Variants in DMC1 observed in about 807,000 individuals in gnomAD.
DMC1 encodes meiotic recombination protein DMC1 homolog.
Under a neutral mutation model 50.1 loss-of-function variants are expected in DMC1, and 27 were observed. The ratio of observed to expected loss-of-function variants is 0.54; its 90% CI spans 0.40 to 0.74. The LOEUF (loss-of-function observed/expected upper bound fraction) is 0.74. Among genes scored for constraint, DMC1 ranks in the 30% least tolerant of loss-of-function variants. DMC1 has a pLI of 0.00. For synonymous variants in DMC1, 148 were observed against 136.1 expected, an observed-to-expected ratio of 1.09 and a Z score of -0.61; for missense variants, 295 against 420.2, an observed-to-expected ratio of 0.70 and a Z score of 2.60.
the DMC1 span, among the ~76,000 whole-genome samples, chr22:38,512,968 C>T: frequency 9.2e-5 from 14 of 152,074 alleles, no homozygotes; most frequent in African/African-American, 2.7e-4. Context: ...CCTGTAATCC[C>T]AGCTACTCGG....
At chr22:38,518,883 G>A (rs2089994915), downstream of DMC1, 1 of 152,148 alleles carries the variant, frequency 6.6e-6, no homozygotes, top group African/African-American at 2.4e-5. Flanking sequence ...AAAGATTGAA[G>A]TCTATAAAGC....
At chr22:38,562,521 T>A in intron 4 of DMC1, 152 bp from the exon 5 acceptor site, 2 of 637,382 alleles carry the variant, frequency 3.1e-6, no homozygotes, top group South Asian at 3.8e-5. Context: ...AAGATTATGG[T>A]TAGGAACACA....
intron 1 of DMC1, 183 bp from the exon 2 acceptor site, chr22:38,568,472 T>C (rs2090604454): frequency 1.8e-6 from 1 of 551,978 alleles, no homozygotes; most frequent in Admixed American, 3.0e-5. Flanking sequence ...TGTGTGTGTG[T>C]GCATGTGTGT....
rs1406771258 is a variant in DMC1, at chr22:38,527,617, CAAGCA to C, written c.837-5898_837-5894del. Among the ~76,000 whole-genome samples the C allele has an allele frequency of 2.0e-5, 3 of 148,604 alleles. No individual in the cohort carries two copies. In the Admixed American group the frequency reaches 2.1e-4, roughly 10 times the overall value. ...CACTGCAACCTCTGCTTCCTGGGTT[CAAGCA>C]ATTCTCCCTGCCTCAGCCTCCCAAG... On this transcript the variant is annotated intron_variant, in intron 12 of 13. Transcript: ENST00000216024.
chr22:38,520,423 T>G (rs1389669280), intron 13 of DMC1, among the ~76,000 whole-genome samples: 1 of 151,984 alleles, frequency 6.6e-6, no homozygotes, highest in East Asian at 1.9e-4. Flanking sequence ...AATGGTGAGA[T>G]CTCGTCTCAC....
rs2090004872 is a variant in DMC1, at chr22:38,519,889, A to G, written c.*131T>C. On this transcript the variant is annotated 3_prime_UTR_variant, in exon 14 of 14. Coordinates refer to ENST00000216024, the MANE Select transcript of DMC1 (RefSeq NM_007068.4). ...CTTTTAAGATAAATATAAGATTTAA[A>G]TCTCTTTGCTGACTTTTCTTTAGTA... is the stretch of plus-strand genomic sequence containing the variant. 9 of 709,210 alleles carry G rather than the reference A, an allele frequency of 1.3e-5. 1 individual carries two copies. The South Asian group carries it at 1.3e-4, about 11-fold the overall frequency. 43.9% of individuals were successfully genotyped at this position (709,210 alleles called of 1,614,324 possible).
the DMC1 span, among the ~76,000 whole-genome samples, chr22:38,510,026 A>G: frequency 4.3e-4 from 66 of 152,326 alleles, no homozygotes; most frequent in Middle Eastern, 3.4e-3. Flanking sequence ...TAGTCTGGCT[A>G]ACATGATGAA....
chr22:38,561,107 A>G (rs1440800228), intron 5 of DMC1, among the ~76,000 whole-genome samples: 4 of 152,044 alleles, frequency 2.6e-5, no homozygotes, highest in African/African-American at 9.7e-5. Context: ...GGGCTCTAGC[A>G]ATCCTTCTAT....
At chr22:38,548,841 C>CAA (rs72057713) in intron 8 of DMC1, among the ~76,000 whole-genome samples, 1 of 142,466 alleles carries the variant, frequency 7.0e-6, no homozygotes. Context: ...GACACTGTCT[C>CAA]AAAAAAAAAA....
intron 5 of DMC1, among the ~76,000 whole-genome samples, chr22:38,555,660 C>A (rs2090461933): frequency 6.6e-6 from 1 of 151,896 alleles, no homozygotes; most frequent in Admixed American, 6.6e-5. Flanking sequence ...ATCGTTCTTA[C>A]TTCAATAGTA....
chr22:38,540,159 C>T (rs555984792), intron 8 of DMC1, among the ~76,000 whole-genome samples: 14 of 152,036 alleles, frequency 9.2e-5, no homozygotes, highest in Non-Finnish European at 1.6e-4. Context: ...TTTTCTCCTC[C>T]TTCAGTCTCC....
chr22:38,553,497 C>CAAAAA (rs372645739), intron 6 of DMC1, among the ~76,000 whole-genome samples: 1 of 46,992 alleles, frequency 2.1e-5, no homozygotes, highest in African/African-American at 7.8e-5. Flanking sequence ...GACTCCGTCT[C>CAAAAA]AAAAAAAAAA....
rs1470873515 is a variant in DMC1 at position 38,562,302 on chromosome 22, C to T, written c.311G>A (p.Gly104Glu). The part of the protein sequence containing the change: ...KRKMVFHITT[G>E]SQEFDKLLGG... ...AGATACATACTCAAATTCCTGGCTC[C>T]CGGTGGTGATATGGAAAACCATTTT... is the stretch of plus-strand genomic sequence containing the variant. The change falls in exon 5 of 14, where the codon GGG (glycine) becomes GAG (glutamate). Residue 104 changes from glycine (G) to glutamate (E), a missense_variant. Coordinates refer to ENST00000216024, the MANE Select transcript of DMC1 (RefSeq NM_007068.4). The T allele has an allele frequency of 6.2e-7, 1 of 1,609,736 alleles. No individual in the cohort carries two copies. Among genetic ancestry groups the T allele is most frequent in the Non-Finnish European group, 8.5e-7 (1 of 1,176,468 alleles).
intron 12 of DMC1, among the ~76,000 whole-genome samples, chr22:38,533,439 G>GATATCAA (rs1217744659): frequency 6.9e-6 from 1 of 145,452 alleles, no homozygotes; most frequent in Non-Finnish European, 1.5e-5. Context: ...GTGAGAGATA[G>GATATCAA]ATATCAAACT....
intron 6 of DMC1, among the ~76,000 whole-genome samples, chr22:38,554,741 A>T (rs565867666): frequency 6.6e-6 from 1 of 152,248 alleles, no homozygotes; most frequent in South Asian, 2.1e-4. Flanking sequence ...TTCATGGAAC[A>T]TTAATTGCCT....
chr22:38,568,689 T>C (rs1277291666), intron 1 of DMC1, among the ~76,000 whole-genome samples: 3 of 152,226 alleles, frequency 2.0e-5, no homozygotes, highest in African/African-American at 7.2e-5. Context: ...TCTAGGAACC[T>C]TGACATTATA....
chr22:38,537,711 T>C, intron 11 of DMC1, 59 bp from the exon 12 acceptor site: 1 of 1,333,226 alleles, frequency 7.5e-7, no homozygotes, highest in East Asian at 2.3e-5. Context: ...ATTTAAAAGT[T>C]CATTGTTTAG....
downstream of DMC1, among the ~76,000 whole-genome samples, chr22:38,514,011 A>C (rs908103061): frequency 6.6e-6 from 1 of 152,226 alleles, no homozygotes; most frequent in Admixed American, 6.5e-5. Flanking sequence ...TCAGCAGAGC[A>C]GGAGATGGAG....
At chr22:38,539,505 A>G in intron 8 of DMC1, 93 bp from the exon 9 acceptor site, 1 of 987,236 alleles carries the variant, frequency 1.0e-6, no homozygotes, top group Admixed American at 1.9e-5. Context: ...AAATTAACAG[A>G]GAAGCCAAAC....
Sources: gnomAD v4.1 joint callset for allele counts (sites outside exome capture counted in the v4.1 genomes callset) on GRCh38, gnomAD v4.1.1 for gene constraint, MANE v1.5 for transcripts, NCBI Gene and HGNC (gene_info 2026-07-23, HGNC 2026-07-21) for gene names.